LRFN2: variants seen among roughly 807,000 people sequenced by gnomAD.
The protein encoded by LRFN2 is leucine rich repeat and fibronectin type III domain containing 2.
Under a neutral mutation model 37.3 loss-of-function variants are expected in LRFN2, and 18 were observed. The observed-to-expected ratio is 0.48, with a 90% confidence interval of 0.33 to 0.72. The LOEUF is 0.72. LRFN2 is among the 30% of genes least tolerant of loss of function. The pLI is 0.02. For missense variants in LRFN2, 1,006 were observed against 1,060.7 expected (o/e 0.95, Z 0.72); for synonymous variants, 556 against 466.6 (o/e 1.19, Z -2.47).
intron 1 of LRFN2, among the ~76,000 whole-genome samples, chr6:40,458,157 T>C (rs1252624747): frequency 2.0e-5 from 3 of 152,230 alleles, no homozygotes; most frequent in Non-Finnish European, 4.4e-5. Flanking sequence ...TGAGGCTGTT[T>C]TCTTTAACAT....
intron 2 of LRFN2, among the ~76,000 whole-genome samples, chr6:40,416,105 T>G (rs752448043): frequency 2.0e-5 from 3 of 152,092 alleles, no homozygotes; most frequent in Non-Finnish European, 4.4e-5. Flanking sequence ...GCCTCCTGGG[T>G]TCAAGCAATT....
chr6:40,459,049 T>G (rs528635394), intron 1 of LRFN2, among the ~76,000 whole-genome samples: 2 of 152,254 alleles, frequency 1.3e-5, no homozygotes, highest in Non-Finnish European at 2.9e-5. Context: ...TTTAGTTTAT[T>G]TCATACGTGG....
intron 1 of LRFN2, among the ~76,000 whole-genome samples, chr6:40,450,052 G>T (rs180860665): frequency 6.6e-6 from 1 of 152,138 alleles, no homozygotes; most frequent in African/African-American, 2.4e-5. Context: ...TGACACAGAC[G>T]CAGGGAACTA....
intron 1 of LRFN2, among the ~76,000 whole-genome samples, chr6:40,514,506 G>C (rs1394922932): frequency 6.6e-6 from 1 of 151,940 alleles, no homozygotes; most frequent in Non-Finnish European, 1.5e-5. Flanking sequence ...GTAGAGACAG[G>C]GTTTTGCCAT....
At chr6:40,527,460 G>A (rs993029069) in intron 1 of LRFN2, among the ~76,000 whole-genome samples, 1 of 152,170 alleles carries the variant, frequency 6.6e-6, no homozygotes, top group Non-Finnish European at 1.5e-5. Flanking sequence ...GCAAGGGGTC[G>A]GACCAGAATT....
intron 1 of LRFN2, among the ~76,000 whole-genome samples, chr6:40,568,511 C>CA: frequency 6.6e-6 from 1 of 152,236 alleles, no homozygotes; most frequent in Non-Finnish European, 1.5e-5. Context: ...GGCATCCCCA[C>CA]AAGACGAAGA....
intron 1 of LRFN2, among the ~76,000 whole-genome samples, chr6:40,459,357 C>T (rs1764298589): frequency 6.6e-6 from 1 of 152,192 alleles, no homozygotes; most frequent in South Asian, 2.1e-4. Flanking sequence ...ACGATGTGTT[C>T]CCCTGGTCTC....
intron 1 of LRFN2, among the ~76,000 whole-genome samples, chr6:40,581,889 A>G (rs904278756): frequency 2.0e-5 from 3 of 152,142 alleles, no homozygotes; most frequent in African/African-American, 4.8e-5. Context: ...CTACTTTACA[A>G]TTATTCTGAA....
chr6:40,437,928 G>C (rs1188271103), intron 1 of LRFN2, among the ~76,000 whole-genome samples: 3 of 152,322 alleles, frequency 2.0e-5, no homozygotes, highest in African/African-American at 7.2e-5. Flanking sequence ...GGCAATTAGG[G>C]AAAAGGGCTA....
chr6:40,526,488 T>C (rs430058), intron 1 of LRFN2, among the ~76,000 whole-genome samples: 99,235 of 152,070 alleles, frequency 0.65, 33,581 homozygotes, highest in African/African-American at 0.84. Context: ...TGTGAATGAG[T>C]ACCTGTCTTT....
intron 1 of LRFN2, chr6:40,501,846 C>T (rs1765389849): frequency 6.6e-6 from 1 of 152,098 alleles, no homozygotes; most frequent in Admixed American, 6.5e-5. Flanking sequence ...AGATCTGAGC[C>T]CACGGGGAGT....
chr6:40,515,016 G>A (rs1219726660), intron 1 of LRFN2, among the ~76,000 whole-genome samples: 1 of 152,234 alleles, frequency 6.6e-6, no homozygotes, highest in East Asian at 1.9e-4. Context: ...GCAGGTGAAC[G>A]CAGCAGTCCT....
At chr6:40,457,939 A>G (rs911991619) in intron 1 of LRFN2, among the ~76,000 whole-genome samples, 1 of 152,216 alleles carries the variant, frequency 6.6e-6, no homozygotes, top group East Asian at 1.9e-4. Context: ...GGGGCTGGGC[A>G]GTCCAGAAGT....
chr6:40,461,490 G>A (rs149070079), intron 1 of LRFN2, among the ~76,000 whole-genome samples: 10 of 151,724 alleles, frequency 6.6e-5, no homozygotes, highest in Non-Finnish European at 1.2e-4. Flanking sequence ...TCATTCCTTC[G>A]CATAGCAAAT....
intron 1 of LRFN2, among the ~76,000 whole-genome samples, chr6:40,583,213 C>CATATATACACA (rs56833551): frequency 7.0e-6 from 1 of 143,754 alleles, no homozygotes; most frequent in East Asian, 2.0e-4. Flanking sequence ...TATATATACA[C>CATATATACACA]TATATACATA....
At chr6:40,396,456 C>A (rs953867136) in intron 2 of LRFN2, among the ~76,000 whole-genome samples, 3 of 152,150 alleles carry the variant, frequency 2.0e-5, no homozygotes, top group Admixed American at 6.5e-5. Flanking sequence ...CAGAGAAAAT[C>A]ATAATGTGAT....
At chr6:40,550,260 T>A (rs564232609) in intron 1 of LRFN2, among the ~76,000 whole-genome samples, 3 of 152,250 alleles carry the variant, frequency 2.0e-5, no homozygotes, top group Admixed American at 6.5e-5. Flanking sequence ...GCAGCTCTGT[T>A]GCTAGGAGAC....
intron 1 of LRFN2, among the ~76,000 whole-genome samples, chr6:40,559,044 T>C (rs1002149058): frequency 6.6e-6 from 1 of 151,512 alleles, no homozygotes; most frequent in Non-Finnish European, 1.5e-5. Context: ...ATAAGGGCCA[T>C]GGATCAAACG....
intron 1 of LRFN2, among the ~76,000 whole-genome samples, chr6:40,569,126 A>G (rs768619702): frequency 3.9e-5 from 6 of 152,202 alleles, no homozygotes; most frequent in Admixed American, 1.3e-4. Context: ...AAATTGAACA[A>G]TTAGGGAGAG....
Sources: gnomAD v4.1 joint callset for allele counts (sites outside exome capture counted in the v4.1 genomes callset) on GRCh38, gnomAD v4.1.1 for gene constraint, MANE v1.5 for transcripts, NCBI Gene and HGNC (gene_info 2026-07-23, HGNC 2026-07-21) for gene names.